PDE1C: variants seen among roughly 807,000 people sequenced by gnomAD.
PDE1C encodes the protein dual specificity calcium/calmodulin-dependent 3',5'-cyclic nucleotide phosphodiesterase 1C.
Under a neutral mutation model 93.1 loss-of-function variants are expected in PDE1C, and 62 were observed. The ratio of observed to expected loss-of-function variants is 0.67; its 90% CI spans 0.54 to 0.82. PDE1C has a LOEUF of 0.82. Ranked by LOEUF, PDE1C falls within the 40% of genes least tolerant of loss-of-function variation. The pLI is 0.00. For missense variants in PDE1C, 742 were observed against 884.6 expected (o/e 0.84, Z 2.04); for synonymous variants, 325 against 310.1 (o/e 1.05, Z -0.50).
chr7:31,734,736 C>T, the PDE1C span, among the ~76,000 whole-genome samples: 37 of 152,120 alleles, frequency 2.4e-4, no homozygotes, highest in East Asian at 5.2e-3. Flanking sequence ...TGTGAGGCCC[C>T]GGGGCACATA....
chr7:31,647,145 G>A, the PDE1C span, among the ~76,000 whole-genome samples: 5 of 152,202 alleles, frequency 3.3e-5, no homozygotes, highest in South Asian at 2.1e-4. Flanking sequence ...ACAGGAGACC[G>A]CTTAAAGACA....
intron 1 of PDE1C, among the ~76,000 whole-genome samples, chr7:32,406,879 T>G (rs1433040955): frequency 6.6e-6 from 1 of 152,156 alleles, no homozygotes; most frequent in Non-Finnish European, 1.5e-5. Flanking sequence ...CTGGTGAGAC[T>G]CAGGGATGCT....
Position 32,136,235 on chromosome 7 carries a change from G to A in PDE1C, c.308+33550C>T, listed in dbSNP as rs142083137. On this transcript the variant is annotated intron_variant, in intron 3 of 18. Transcript: ENST00000396193. ...AGGATGTGCTCATTAATTTTACTAC[G>A]GTAATCATTGCACAGTGTATACATA... 7.5e-3 allele frequency among the ~76,000 whole-genome samples: 1,134 copies of A among 152,008 alleles called. 18 individuals carry two copies. The highest frequency in any genetic ancestry group is 0.025 in the African/African-American group (1,027 of 41,472).
chr7:32,181,855 C>G (rs1351655335), intron 2 of PDE1C, among the ~76,000 whole-genome samples: 1 of 152,136 alleles, frequency 6.6e-6, no homozygotes, highest in Non-Finnish European at 1.5e-5. Context: ...ATCAATGAAT[C>G]CAGGAGCTGG....
chr7:31,713,905 C>G, the PDE1C span, among the ~76,000 whole-genome samples: 1 of 152,180 alleles, frequency 6.6e-6, no homozygotes, highest in Non-Finnish European at 1.5e-5. Context: ...TCCCACAAAA[C>G]CATTTTTCCT....
intron 2 of PDE1C, among the ~76,000 whole-genome samples, chr7:32,180,027 T>C (rs994242189): frequency 3.3e-5 from 5 of 152,124 alleles, no homozygotes; most frequent in Non-Finnish European, 5.9e-5. Flanking sequence ...GGTAGGAAAT[T>C]TGGGGCTGGG....
chr7:31,668,911 C>A, the PDE1C span, among the ~76,000 whole-genome samples: 14 of 152,080 alleles, frequency 9.2e-5, no homozygotes, highest in Admixed American at 8.5e-4. Flanking sequence ...GAGGGAACTG[C>A]AAGTCTGAGC....
At chr7:32,039,799 T>C (rs1056129943) in intron 2 of PDE1C, among the ~76,000 whole-genome samples, 21 of 152,224 alleles carry the variant, frequency 1.4e-4, no homozygotes, top group African/African-American at 5.1e-4. Context: ...TGGAACTTCA[T>C]TTCCCAGTAA....
chr7:32,364,335 T>C (rs1454441276), intron 1 of PDE1C, among the ~76,000 whole-genome samples: 2 of 152,102 alleles, frequency 1.3e-5, no homozygotes, highest in Admixed American at 1.3e-4. Context: ...AGGCAACAAA[T>C]AAACAGCTAC....
chr7:31,702,759 C>T, the PDE1C span, among the ~76,000 whole-genome samples: 2 of 152,198 alleles, frequency 1.3e-5, no homozygotes, highest in East Asian at 3.9e-4. Context: ...GATATCTAGT[C>T]CAATCATTTC....
At chr7:32,279,021 T>G (rs187329809) in intron 1 of PDE1C, among the ~76,000 whole-genome samples, 1 of 152,316 alleles carries the variant, frequency 6.6e-6, no homozygotes, top group East Asian at 1.9e-4. Context: ...ATTGTATACT[T>G]AAGAGGAATT....
chr7:31,736,373 A>G, the PDE1C span, among the ~76,000 whole-genome samples: 2 of 152,190 alleles, frequency 1.3e-5, no homozygotes, highest in South Asian at 4.1e-4. Flanking sequence ...TTCTTCCCTA[A>G]GACTGTGAGT....
Position 31,899,325 on chromosome 7 carries a change from A to C in PDE1C, c.129-18465T>G, listed in dbSNP as rs148049990. Among the ~76,000 whole-genome samples, 896 of 151,930 alleles carry C rather than the reference A, an allele frequency of 5.9e-3. 11 individuals carry two copies. The highest frequency in any genetic ancestry group is 0.02 in the African/African-American group (842 of 41,432). On this transcript the variant is annotated intron_variant, in intron 2 of 17. Coordinates refer to ENST00000396191, the MANE Select transcript of PDE1C (RefSeq NM_001191057.4). ...GGCTAATTTTTTTGTATTTTAGTAG[A>C]GACGGGGTTTCACCGTGTTAGCCAG...
chr7:32,052,933 C>G (rs1584615630), intron 1 of PDE1C, among the ~76,000 whole-genome samples: 1 of 151,858 alleles, frequency 6.6e-6, no homozygotes, highest in African/African-American at 2.4e-5. Context: ...AAAGAGTGAG[C>G]ATTATAACAG....
At chr7:31,873,105 C>A (rs1796139419) in intron 6 of PDE1C, among the ~76,000 whole-genome samples, 187 bp downstream of exon 6, 1 of 152,124 alleles carries the variant, frequency 6.6e-6, no homozygotes, top group South Asian at 2.1e-4. Context: ...TGAGACCCAC[C>A]AGCAAGGGCG....
intron 2 of PDE1C, among the ~76,000 whole-genome samples, chr7:31,952,990 T>C (rs1807613714): frequency 2.0e-5 from 3 of 152,042 alleles, no homozygotes; most frequent in African/African-American, 7.2e-5. Flanking sequence ...AGTACCTTGA[T>C]TTGGGAGATT....
chr7:31,755,917 G>A (rs1794433747), intron 17 of PDE1C, among the ~76,000 whole-genome samples: 2 of 152,170 alleles, frequency 1.3e-5, no homozygotes, highest in Non-Finnish European at 2.9e-5. Flanking sequence ...TGTAATCCCA[G>A]CACTTTGGGA....
At chr7:32,224,683 G>A (rs569442126) in intron 1 of PDE1C, among the ~76,000 whole-genome samples, 2 of 152,286 alleles carry the variant, frequency 1.3e-5, no homozygotes, top group African/African-American at 2.4e-5. Context: ...CACTGAGCAC[G>A]TGTGCGACAC....
intron 3 of PDE1C, among the ~76,000 whole-genome samples, chr7:32,143,963 T>C (rs1391756522): frequency 6.6e-6 from 1 of 152,106 alleles, no homozygotes; most frequent in Non-Finnish European, 1.5e-5. Flanking sequence ...GGGAAGGCAC[T>C]GGGGATATCT....
Sources: allele counts gnomAD v4.1 joint callset (sites outside exome capture counted in the v4.1 genomes callset), GRCh38; gene constraint gnomAD v4.1.1; transcripts MANE v1.5; gene names NCBI Gene and HGNC (gene_info 2026-07-23, HGNC 2026-07-21).